CCNY: variants seen among roughly 807,000 people sequenced by gnomAD.
The protein encoded by CCNY is cyclin Y, also known as cyclin-Y.
CCNY carries 19 observed loss-of-function variants against 42.8 expected under a neutral mutation model. The ratio of observed to expected loss-of-function variants is 0.44; its 90% CI spans 0.31 to 0.65. The LOEUF (loss-of-function observed/expected upper bound fraction) is 0.65, where lower values mean the gene tolerates loss of function less well. Ranked by LOEUF, CCNY falls within the 30% of genes least tolerant of loss-of-function variation. The pLI is 0.07. For synonymous variants in CCNY, 165 were observed against 162.7 expected (o/e 1.01, Z -0.11); for missense variants, 370 against 437.3 (o/e 0.85, Z 1.37).
rs780950365 is a variant in CCNY, at chr10:35,566,088, A to T, written c.812A>T (p.Tyr271Phe). Residue 271 changes from tyrosine (Y) to phenylalanine (F), a missense_variant, in exon 9 of 10, where the codon TAT (tyrosine) becomes TTT (phenylalanine). Transcript: ENST00000374704. The stretch of plus-strand genomic sequence containing the variant: ...AACATCAATGTTCCTTCCAGTGTCT[A>T]TGCCAAGTATTATTTTGATCTTCGT... ...QFNINVPSSV[Y>F]AKYYFDLRSL... is the part of the protein sequence containing the mutation. 6.2e-7 allele frequency: 1 copy of T among 1,614,206 alleles called. No homozygotes were observed. Among genetic ancestry groups the T allele is most frequent in the Non-Finnish European group, 8.5e-7 (1 of 1,180,024 alleles).
At chr10:35,536,240 C>G (rs973313203) in intron 7 of CCNY, among the ~76,000 whole-genome samples, 5 of 152,138 alleles carry the variant, frequency 3.3e-5, no homozygotes, top group Admixed American at 1.3e-4. Context: ...TTTTCTCTTG[C>G]TGGTACCATG....
chr10:35,399,249 G>A (rs900317600), intron 1 of CCNY, among the ~76,000 whole-genome samples: 8 of 152,138 alleles, frequency 5.3e-5, no homozygotes, highest in Admixed American at 2.0e-4. Flanking sequence ...TGGTGAGGTC[G>A]TAGCTCCCTG....
At chr10:35,491,150 G>T (rs1226953689) in intron 2 of CCNY, among the ~76,000 whole-genome samples, 1 of 152,192 alleles carries the variant, frequency 6.6e-6, no homozygotes, top group Non-Finnish European at 1.5e-5. Flanking sequence ...CACCCCAGTG[G>T]CAGGGAACCA....
intron 1 of CCNY, among the ~76,000 whole-genome samples, chr10:35,475,687 C>G (rs1447863921): frequency 6.8e-6 from 1 of 147,760 alleles, no homozygotes; most frequent in Admixed American, 6.7e-5. Flanking sequence ...CAAAATCATG[C>G]CAAAATGTAA....
intron 9 of CCNY, 66 bp from the exon 10 acceptor site, chr10:35,568,988 A>G: frequency 9.3e-7 from 1 of 1,074,072 alleles, no homozygotes. Flanking sequence ...CTCGGCGCCC[A>G]GGACGAGTGA....
chr10:35,552,110 G>A (rs1302093160), intron 7 of CCNY, among the ~76,000 whole-genome samples: 2 of 152,150 alleles, frequency 1.3e-5, no homozygotes, highest in East Asian at 3.8e-4. Flanking sequence ...CCACACAGGG[G>A]GAACAGCTCA....
rs922266889 is a variant in CCNY at position 35,259,418 on chromosome 10, C to T, written c.-9+8792C>T. Among the ~76,000 whole-genome samples, 3 of 150,540 alleles carry T rather than the reference C, an allele frequency of 2.0e-5. No individual in the cohort carries two copies. In the East Asian group the frequency reaches 5.9e-4, roughly 29 times the overall value. On this transcript the variant is annotated intron_variant, in intron 3 of 11. Coordinates refer to the CCNY transcript ENST00000374706. ...ATGGGATCTCACTATGTTGCCCAAG[C>T]TGGTCTTGAACTCCTGGGCTCAAGC...
intron 1 of CCNY, among the ~76,000 whole-genome samples, chr10:35,365,970 G>A (rs1257849512): frequency 6.6e-6 from 1 of 152,200 alleles, no homozygotes; most frequent in Non-Finnish European, 1.5e-5. Flanking sequence ...TATTTGGATG[G>A]TTGAAATCCT....
At chr10:35,306,748 AT>A (rs1412819611) in intron 3 of CCNY, among the ~76,000 whole-genome samples, 1 of 151,968 alleles carries the variant, frequency 6.6e-6, no homozygotes, top group Non-Finnish European at 1.5e-5. Flanking sequence ...TCTACATGAC[AT>A]AACAACCTTC....
At chr10:35,518,169 A>G (rs778604108) in intron 4 of CCNY, among the ~76,000 whole-genome samples, 7 of 152,338 alleles carry the variant, frequency 4.6e-5, no homozygotes, top group Non-Finnish European at 1.0e-4. Flanking sequence ...TGTGACACAG[A>G]CACTTAGGAG....
intron 7 of CCNY, among the ~76,000 whole-genome samples, chr10:35,549,081 C>A (rs964041365): frequency 2.0e-5 from 3 of 151,298 alleles, no homozygotes; most frequent in Non-Finnish European, 4.4e-5. Flanking sequence ...GTGCCAACTC[C>A]GTGCCCCTCA....
chr10:35,443,518 T>C lies in CCNY; in HGVS notation c.155-39886T>C, dbSNP rs151194078. ...ACAGGGTCAGGATCATCAATATCAC[T>C]GTCTTCCACCAGCACCTCTGTCCCA... On this transcript the variant is annotated intron_variant, in intron 1 of 9. Coordinates refer to ENST00000374704, the MANE Select transcript of CCNY (RefSeq NM_145012.6). 4.6e-3 allele frequency among the ~76,000 whole-genome samples: 699 copies of C among 152,312 alleles called. 4 individuals are homozygous for C. The highest frequency in any genetic ancestry group is 0.016 in the African/African-American group (659 of 41,566).
At chr10:35,413,671 A>G (rs1314430871) in intron 1 of CCNY, among the ~76,000 whole-genome samples, 1 of 152,162 alleles carries the variant, frequency 6.6e-6, no homozygotes, top group East Asian at 1.9e-4. Context: ...ACAACCAGGG[A>G]AGGTGATGTA....
At chr10:35,478,337 C>A (rs1839569790) in intron 1 of CCNY, among the ~76,000 whole-genome samples, 1 of 151,950 alleles carries the variant, frequency 6.6e-6, no homozygotes, top group Non-Finnish European at 1.5e-5. Flanking sequence ...CCAAGTCAAT[C>A]CTAAGCCAAA....
At chr10:35,386,706 GA>G (rs1488971846) in intron 1 of CCNY, among the ~76,000 whole-genome samples, 4 of 152,106 alleles carry the variant, frequency 2.6e-5, no homozygotes, top group Non-Finnish European at 5.9e-5. Flanking sequence ...GGTTTTCTGG[GA>G]ACTAATCTTC....
chr10:35,539,542 A>C (rs751984905), intron 7 of CCNY, among the ~76,000 whole-genome samples: 2 of 152,148 alleles, frequency 1.3e-5, no homozygotes, highest in African/African-American at 4.8e-5. Flanking sequence ...TAATCCCAGC[A>C]GTTTGGGAGG....
chr10:35,310,352 C>G (rs1427346577), intron 3 of CCNY, among the ~76,000 whole-genome samples: 1 of 152,134 alleles, frequency 6.6e-6, no homozygotes, highest in East Asian at 1.9e-4. Context: ...GATATTTTGG[C>G]TGTTGTGAAT....
chr10:35,421,408 G>A lies in CCNY; in HGVS notation c.155-61996G>A, dbSNP rs557470411. 6.8e-4 allele frequency among the ~76,000 whole-genome samples: 104 copies of A among 152,232 alleles called. No individual in the cohort carries two copies. The Middle Eastern group carries it at 0.014, about 20-fold the overall frequency. ...AGTCTCCTGATGGTCAGCTTGACGC[G>A]GGTTCACTGGATCAGTGCCTTCCAG... On this transcript the variant is annotated intron_variant, in intron 1 of 9. Transcript: ENST00000374704.
At position 35,570,672 on chromosome 10, in the gene CCNY, C is replaced by A. The variant is rs1174439700; in HGVS notation, c.*1502C>A. 2 of 152,302 alleles carry A rather than the reference C, an allele frequency of 1.3e-5. No homozygotes were observed. Among genetic ancestry groups the A allele is most frequent in the Admixed American group, 1.3e-4 (2 of 15,276 alleles). The allele number at this position is 152,302 out of a possible 1,614,324, so 9.4% of individuals were successfully genotyped here. A position where few individuals can be genotyped will look rare whatever the true frequency, so the allele number is the denominator to read the frequency against. On this transcript the variant is annotated 3_prime_UTR_variant, in exon 10 of 10. Transcript: ENST00000374704. ...GTGGCAGCAGCAGGTCTGTGTTTCA[C>A]CTTCTTCCCATGTGAGCTTGGAAAA...
Sources: allele counts gnomAD v4.1 joint callset (sites outside exome capture counted in the v4.1 genomes callset), GRCh38; gene constraint gnomAD v4.1.1; transcripts MANE v1.5; gene names NCBI Gene and HGNC (gene_info 2026-07-23, HGNC 2026-07-21).